The following TMEM232 variants were observed in gnomAD, a reference collection of about 807,000 sequenced individuals.
TMEM232 encodes the protein transmembrane protein 232.
TMEM232 carries 80 observed loss-of-function variants against 78.8 expected under a neutral mutation model. The ratio of observed to expected loss-of-function variants is 1.01; its 90% confidence interval spans 0.85 to 1.22. The LOEUF is 1.22. TMEM232 is among the 50% of genes most tolerant of loss of function. The pLI is 0.00. For synonymous variants in TMEM232, 297 were observed against 254.3 expected (o/e 1.17, Z -1.60); for missense variants, 881 against 742.2 (o/e 1.19, Z -2.17).
At chr5:110,547,049 G>C (rs1383930721) in intron 11 of TMEM232, among the ~76,000 whole-genome samples, 2 of 151,850 alleles carry the variant, frequency 1.3e-5, no homozygotes. Flanking sequence ...TGTAAGATGT[G>C]CTTAATTCAA....
At chr5:110,456,482 T>G (rs1367196592) in intron 12 of TMEM232, among the ~76,000 whole-genome samples, 3 of 152,126 alleles carry the variant, frequency 2.0e-5, no homozygotes, top group African/African-American at 4.8e-5. Context: ...TAAACTAATA[T>G]AGAGATGCAA....
At chr5:110,576,012 G>A (rs1354623670) in intron 10 of TMEM232, among the ~76,000 whole-genome samples, 1 of 152,004 alleles carries the variant, frequency 6.6e-6, no homozygotes, top group Admixed American at 6.6e-5. Context: ...CTGAATCCAG[G>A]GGGCCGCGCA....
chr5:110,390,640 C>T (rs547925421), exon 4 of TMEM232: 1 of 152,260 alleles, frequency 6.6e-6, no homozygotes, highest in South Asian at 2.1e-4. Flanking sequence ...GAGTGCCTTA[C>T]CTGTAAGTCA....
intron 11 of TMEM232, among the ~76,000 whole-genome samples, chr5:110,531,752 T>C (rs927214705): frequency 6.6e-6 from 1 of 152,304 alleles, no homozygotes; most frequent in African/African-American, 2.4e-5. Context: ...GTTTAGGCTC[T>C]TTATCATCAA....
chr5:110,699,492 C>T (rs552598904), intron 1 of TMEM232, among the ~76,000 whole-genome samples: 2 of 151,856 alleles, frequency 1.3e-5, no homozygotes, highest in Non-Finnish European at 2.9e-5. Context: ...TTTGAGATCC[C>T]GAAACTGGTT....
At chr5:110,679,406 C>A (rs899168742) in intron 1 of TMEM232, among the ~76,000 whole-genome samples, 1 of 151,686 alleles carries the variant, frequency 6.6e-6, no homozygotes, top group Non-Finnish European at 1.5e-5. Flanking sequence ...CTAAGAGCTC[C>A]GTGTATATTC....
intron 10 of TMEM232, among the ~76,000 whole-genome samples, chr5:110,578,524 C>T (rs1411598201): frequency 1.3e-5 from 2 of 151,898 alleles, no homozygotes; most frequent in African/African-American, 2.4e-5. Flanking sequence ...AAATTGGTGA[C>T]ACCAAATCTA....
intron 3 of TMEM232, 119 bp downstream of exon 3, chr5:110,642,141 C>T (rs1786819073): frequency 3.6e-6 from 2 of 561,558 alleles, no homozygotes; most frequent in Non-Finnish European, 5.8e-6. Context: ...TTAACTATCC[C>T]TACTTATAAT....
intron 2 of TMEM232, among the ~76,000 whole-genome samples, chr5:110,652,854 T>C (rs1193780824): frequency 6.6e-6 from 1 of 152,222 alleles, no homozygotes; most frequent in Non-Finnish European, 1.5e-5. Context: ...AAAGATAATC[T>C]AGTCTAAATA....
intron 12 of TMEM232, among the ~76,000 whole-genome samples, chr5:110,515,982 G>C (rs746074633): frequency 6.6e-6 from 1 of 152,212 alleles, no homozygotes; most frequent in African/African-American, 2.4e-5. Context: ...GCTCACGCCT[G>C]TAATCCCAGC....
At chr5:110,675,508 G>A (rs1048459653) in intron 1 of TMEM232, among the ~76,000 whole-genome samples, 2 of 152,036 alleles carry the variant, frequency 1.3e-5, no homozygotes, top group African/African-American at 2.4e-5. Context: ...AAAGAAAAAC[G>A]GAGACTTCAT....
chr5:110,521,266 T>C (rs1409133256), intron 12 of TMEM232, among the ~76,000 whole-genome samples: 1 of 152,218 alleles, frequency 6.6e-6, no homozygotes, highest in Non-Finnish European at 1.5e-5. Context: ...ATGTCTTCTT[T>C]AGAAAACTAT....
chr5:110,621,672 T>C (rs931381166), intron 7 of TMEM232, among the ~76,000 whole-genome samples: 2 of 152,040 alleles, frequency 1.3e-5, no homozygotes, highest in African/African-American at 4.8e-5. Context: ...GAGAACTTTT[T>C]TCCCCTCCCT....
At chr5:110,399,836 T>C (rs1755528332) in intron 2 of TMEM232, among the ~76,000 whole-genome samples, 1 of 152,128 alleles carries the variant, frequency 6.6e-6, no homozygotes, top group African/African-American at 2.4e-5. Context: ...CAGGATCTTC[T>C]TTTCTAGATA....
At chr5:110,496,236 T>G (rs1244325829) in intron 12 of TMEM232, among the ~76,000 whole-genome samples, 2 of 152,112 alleles carry the variant, frequency 1.3e-5, no homozygotes, top group East Asian at 3.9e-4. Flanking sequence ...TTGTACAATA[T>G]CTAAGCTCTT....
Position 110,568,539 on chromosome 5 carries a change from C to T in TMEM232, c.1363G>A (p.Asp455Asn). The change falls in exon 11 of 14, where the codon GAT becomes AAT. Residue 455 changes from aspartate (D) to asparagine (N), a missense_variant. Physicochemically the swap from Asp to Asn is conservative, Grantham distance 23 (BLOSUM62 1). Transcript: ENST00000455884. ...SWELQGDEEQ[D>N]GLRNMIWQTL... ...TGCCATATCATGTTTCTAAGTCCAT[C>T]CTGTTCTTCGTCTCCTTGAAGTTCC... is the stretch of plus-strand genomic sequence containing the variant. 6.5e-7 allele frequency: 1 copy of T among 1,549,598 alleles called. No individual in the cohort carries two copies. The highest frequency in any genetic ancestry group is 1.2e-5 in the South Asian group (1 of 83,934).
chr5:110,426,104 TCTTTCTCTTATGC>T, intron 12 of TMEM232, among the ~76,000 whole-genome samples: 1 of 152,148 alleles, frequency 6.6e-6, no homozygotes, highest in East Asian at 1.9e-4. Flanking sequence ...TGCTGTCATT[TCTTTCTCTTATGC>T]CTTTCTCTTT....
At chr5:110,449,144 G>A (rs1759988168) in intron 12 of TMEM232, among the ~76,000 whole-genome samples, 1 of 151,840 alleles carries the variant, frequency 6.6e-6, no homozygotes. Flanking sequence ...CAGACAAAGT[G>A]GAATTTAAGG....
At chr5:110,704,668 C>T (rs372027808) in intron 1 of TMEM232, among the ~76,000 whole-genome samples, 3 of 152,038 alleles carry the variant, frequency 2.0e-5, no homozygotes, top group South Asian at 4.2e-4. Flanking sequence ...ACCCTGATGT[C>T]AAGTTTTTGT....
Sources: gnomAD v4.1 joint callset for allele counts (sites outside exome capture counted in the v4.1 genomes callset) on GRCh38, gnomAD v4.1.1 for gene constraint, MANE v1.5 for transcripts, NCBI Gene and HGNC (gene_info 2026-07-23, HGNC 2026-07-21) for gene names.